The following CMTM8 variants were observed in gnomAD, a reference collection of about 807,000 sequenced individuals.
CMTM8 encodes CKLF-like MARVEL transmembrane domain-containing protein 8.
In CMTM8, 12 loss-of-function variants were observed where a neutral mutation model predicts 18.6. The observed-to-expected ratio is 0.65, with a 90% CI of 0.41 to 1.05. The LOEUF (loss-of-function observed/expected upper bound fraction) is 1.05, where lower values mean the gene tolerates loss of function less well. Among genes scored for constraint, CMTM8 ranks in the 50% least tolerant of loss-of-function variants. The probability of loss-of-function intolerance (pLI) is 0.00; values close to 1 mark genes in which losing one functional copy is unlikely to be tolerated. For missense variants in CMTM8, 217 were observed against 227.2 expected (o/e 0.95, Z 0.29); for synonymous variants, 87 against 90.6 (o/e 0.96, Z 0.23).
chr3:32,365,981 C>T (rs1464690439), intron 2 of CMTM8, among the ~76,000 whole-genome samples: 1 of 152,082 alleles, frequency 6.6e-6, no homozygotes, highest in Non-Finnish European at 1.5e-5. Flanking sequence ...TTTTTTTAAC[C>T]TTTATGACGA....
intron 1 of CMTM8, among the ~76,000 whole-genome samples, chr3:32,264,925 C>T (rs1182323518): frequency 6.6e-6 from 1 of 152,130 alleles, no homozygotes; most frequent in African/African-American, 2.4e-5. Flanking sequence ...TATATGCACC[C>T]AATACAGGAG....
At chr3:32,362,028 C>CAGCTACT (rs1696941219) in intron 2 of CMTM8, among the ~76,000 whole-genome samples, 1 of 112,270 alleles carries the variant, frequency 8.9e-6, no homozygotes, top group Admixed American at 9.4e-5. Context: ...CCGGTTAAAG[C>CAGCTACT]AGCTACTATT....
intron 1 of CMTM8, among the ~76,000 whole-genome samples, chr3:32,356,532 G>T (rs13075542): frequency 0.22 from 34,043 of 152,196 alleles, 3,978 homozygotes; most frequent in East Asian, 0.35. Flanking sequence ...CTTGTCAGCA[G>T]TTGGATGACT....
In CMTM8 at chr3:32,293,219, G is replaced by C. The variant is rs147019238; in HGVS notation, c.147+54100G>C. On this transcript the variant is annotated intron_variant, in intron 1 of 3. Transcript: ENST00000307526. ...CCATCATTGATTGAACTTGTCCACTGTGGTTAATTGGGTACTTGTTTCCAA... is the reference window on the plus strand; with the variant it reads ...CCATCATTGATTGAACTTGTCCACTCTGGTTAATTGGGTACTTGTTTCCAA... 5.9e-5 allele frequency among the ~76,000 whole-genome samples: 9 copies of C among 152,164 alleles called. No individual in the cohort carries two copies. The East Asian group carries it at 1.7e-3, about 29-fold the overall frequency.
At chr3:32,323,486 A>G (rs1008975856) in intron 1 of CMTM8, among the ~76,000 whole-genome samples, 1 of 152,206 alleles carries the variant, frequency 6.6e-6, no homozygotes, top group African/African-American at 2.4e-5. Flanking sequence ...TTTAACTTCT[A>G]CCTATAAGGT....
At chr3:32,241,230 A>G (rs527525015) in intron 1 of CMTM8, among the ~76,000 whole-genome samples, 122 of 152,178 alleles carry the variant, frequency 8.0e-4, no homozygotes, top group Non-Finnish European at 1.2e-3. Context: ...GACATTATCC[A>G]TTGCCTTTCT....
chr3:32,259,462 C>A, intron 1 of CMTM8: 1 of 785,654 alleles, frequency 1.3e-6, no homozygotes, highest in Non-Finnish European at 2.3e-6. Context: ...TGGCCATGTG[C>A]CAGTCTTTGG....
At chr3:32,361,910 G>A (rs1696938857) in intron 2 of CMTM8, among the ~76,000 whole-genome samples, 1 of 151,984 alleles carries the variant, frequency 6.6e-6, no homozygotes, top group African/African-American at 2.4e-5. Context: ...CAAGCACTAG[G>A]GTCTACATGC....
At chr3:32,344,642 C>T (rs970793153) in intron 1 of CMTM8, among the ~76,000 whole-genome samples, 6 of 152,182 alleles carry the variant, frequency 3.9e-5, no homozygotes, top group Non-Finnish European at 5.9e-5. Flanking sequence ...TACCAGTAAT[C>T]CCAGCACTTT....
intron 1 of CMTM8, among the ~76,000 whole-genome samples, chr3:32,310,963 G>C (rs1263879578): frequency 1.3e-5 from 2 of 151,070 alleles, no homozygotes; most frequent in Non-Finnish European, 2.9e-5. Context: ...AATTGGACCT[G>C]TCTTTCAACA....
intron 1 of CMTM8, chr3:32,259,482 T>A: frequency 1.3e-6 from 1 of 780,334 alleles, no homozygotes; most frequent in Non-Finnish European, 2.3e-6. Context: ...GAGAATGACA[T>A]TCATGGGCTC....
chr3:32,301,370 G>GTA (rs55693078), intron 1 of CMTM8, among the ~76,000 whole-genome samples: 28 of 151,296 alleles, frequency 1.9e-4, no homozygotes, highest in Non-Finnish European at 3.0e-4. Flanking sequence ...TTTGACAGCT[G>GTA]TATATATATA....
chr3:32,268,337 C>T (rs4583692), intron 1 of CMTM8, among the ~76,000 whole-genome samples: 30,199 of 152,002 alleles, frequency 0.2, 3,661 homozygotes, highest in Non-Finnish European at 0.28. Context: ...AGCAAACCCT[C>T]GCAAGGACAA....
At position 32,238,837 on chromosome 3, in the gene CMTM8, C is replaced by A. The variant is rs1701904509; in HGVS notation, c.-136C>A. The A allele has an allele frequency of 7.7e-6, 5 of 652,326 alleles. No homozygotes were observed. In the Admixed American group the frequency reaches 1.4e-4, roughly 18 times the overall value. 40.4% of individuals were successfully genotyped at this position (652,326 alleles called of 1,614,324 possible). A position where few individuals can be genotyped will look rare whatever the true frequency, so the allele number is the denominator to read the frequency against. ...GCGCCTGGACAGCCCCCGGCGGGCGCCCCCCTCGCACCTCCTGCCCCGCGC... is the reference window on the plus strand; with the variant it reads ...GCGCCTGGACAGCCCCCGGCGGGCGACCCCCTCGCACCTCCTGCCCCGCGC... On this transcript the variant is annotated 5_prime_UTR_variant, in exon 1 of 4. Coordinates refer to ENST00000307526, the MANE Select transcript of CMTM8 (RefSeq NM_178868.5).
In CMTM8 at chr3:32,361,286, G is replaced by GTTTGTT. The variant is rs140270969; in HGVS notation, c.321+3743_321+3744insGTTTTT. On this transcript the variant is annotated intron_variant, in intron 2 of 3. Coordinates refer to ENST00000307526, the MANE Select transcript of CMTM8 (RefSeq NM_178868.5). ...GTGAGCCACGGCGCCCAGCCTAAGA[G>GTTTGTT]TTTTTTTTTCTTTCAAATTTTGGAA... Among the ~76,000 whole-genome samples the GTTTGTT allele has an allele frequency of 5.5e-4, 48 of 87,254 alleles. 1 individual carries two copies. Among genetic ancestry groups the GTTTGTT allele is most frequent in the African/African-American group, 1.6e-3 (39 of 24,980 alleles). The allele number at this position is 87,254 out of a possible 152,430, so 57.2% of individuals were successfully genotyped here.
At chr3:32,327,151 G>A (rs1015834482) in intron 1 of CMTM8, among the ~76,000 whole-genome samples, 13 of 151,692 alleles carry the variant, frequency 8.6e-5, no homozygotes, top group African/African-American at 3.1e-4. Flanking sequence ...CAAAGGTGCT[G>A]TAAACAGGTA....
chr3:32,368,843 T>G (rs2125607008), intron 3 of CMTM8, among the ~76,000 whole-genome samples: 1 of 152,228 alleles, frequency 6.6e-6, no homozygotes, highest in Non-Finnish European at 1.5e-5. Flanking sequence ...AAACTGGTAT[T>G]AAGAATCTCT....
At chr3:32,240,984 C>T (rs1412352946) in intron 1 of CMTM8, among the ~76,000 whole-genome samples, 1 of 152,116 alleles carries the variant, frequency 6.6e-6, no homozygotes, top group African/African-American at 2.4e-5. Flanking sequence ...GACGGGGTCT[C>T]TCTGTGTTGC....
chr3:32,290,424 A>G (rs1575162004), intron 1 of CMTM8, among the ~76,000 whole-genome samples: 1 of 152,342 alleles, frequency 6.6e-6, no homozygotes, highest in Admixed American at 6.5e-5. Flanking sequence ...CTAAATAAAC[A>G]CATTCAATGT....
Sources: allele counts gnomAD v4.1 joint callset (sites outside exome capture counted in the v4.1 genomes callset), GRCh38; gene constraint gnomAD v4.1.1; transcripts MANE v1.5; gene names NCBI Gene and HGNC (gene_info 2026-07-23, HGNC 2026-07-21).